SLC44A1: variants seen among roughly 807,000 people sequenced by gnomAD.
The protein encoded by SLC44A1 is choline transporter-like protein 1.
Under a neutral mutation model 79.3 loss-of-function variants are expected in SLC44A1, and 26 were observed. The observed-to-expected ratio is 0.33, with a 90% confidence interval of 0.24 to 0.46. The LOEUF (loss-of-function observed/expected upper bound fraction) is 0.46, where lower values mean the gene tolerates loss of function less well. Among genes scored for constraint, SLC44A1 ranks in the 20% least tolerant of loss-of-function variants. The probability of loss-of-function intolerance (pLI) is 1.00; values close to 1 mark genes in which losing one functional copy is unlikely to be tolerated. For synonymous variants in SLC44A1, 263 were observed against 286.2 expected (o/e 0.92, Z 0.82); for missense variants, 688 against 798.1 (o/e 0.86, Z 1.66).
chr9:105,377,761 TAA>T (rs11297763), intron 13 of SLC44A1, among the ~76,000 whole-genome samples: 1 of 144,966 alleles, frequency 6.9e-6, no homozygotes. Flanking sequence ...GACTCTGTCT[TAA>T]AAAAAAAAAA....
At chr9:105,437,737 C>T (rs758693408) in intron 15 of SLC44A1, among the ~76,000 whole-genome samples, 6 of 152,268 alleles carry the variant, frequency 3.9e-5, no homozygotes, top group Non-Finnish European at 7.4e-5. Context: ...CCACTGCTAA[C>T]GGAATTACAG....
chr9:105,347,330 C>T (rs1183646905), intron 4 of SLC44A1, among the ~76,000 whole-genome samples: 1 of 151,932 alleles, frequency 6.6e-6, no homozygotes, highest in Non-Finnish European at 1.5e-5. Flanking sequence ...TAATCTGGTA[C>T]GAACCTCAGT....
chr9:105,386,113 T>G (rs570876127), intron 15 of SLC44A1: 2 of 983,680 alleles, frequency 2.0e-6, no homozygotes, highest in South Asian at 9.4e-5. Flanking sequence ...CCCAGTTTAA[T>G]TGTGAGATGG....
chr9:105,287,851 A>T (rs965985029), intron 1 of SLC44A1, among the ~76,000 whole-genome samples: 5 of 152,280 alleles, frequency 3.3e-5, no homozygotes, highest in African/African-American at 9.6e-5. Context: ...TTTCTAAGGA[A>T]ATTTGAAGTG....
chr9:105,397,449 G>C (rs539730130), downstream of SLC44A1: 6 of 714,150 alleles, frequency 8.4e-6, no homozygotes, highest in African/African-American at 7.7e-5. Flanking sequence ...ATGCTGCAAG[G>C]GTGCCCCAGA....
chr9:105,408,553 G>A (rs1169023723), intron 15 of SLC44A1, among the ~76,000 whole-genome samples: 1 of 152,098 alleles, frequency 6.6e-6, no homozygotes, highest in East Asian at 1.9e-4. Flanking sequence ...GGGACTACAG[G>A]TGCATGCCAC....
intron 13 of SLC44A1, among the ~76,000 whole-genome samples, chr9:105,380,762 A>C (rs530111121): frequency 6.6e-6 from 1 of 152,124 alleles, no homozygotes; most frequent in African/African-American, 2.4e-5. Flanking sequence ...GATCACTGAT[A>C]TAGACCAGTA....
At chr9:105,326,637 T>C (rs981063791) in intron 3 of SLC44A1, among the ~76,000 whole-genome samples, 9 of 152,228 alleles carry the variant, frequency 5.9e-5, no homozygotes, top group Non-Finnish European at 1.0e-4. Context: ...TTCGAAACTA[T>C]GAAGTATAAA....
chr9:105,271,208 C>G (rs939226117), intron 1 of SLC44A1, among the ~76,000 whole-genome samples: 1 of 152,168 alleles, frequency 6.6e-6, no homozygotes, highest in Non-Finnish European at 1.5e-5. Flanking sequence ...TTTCTCTCAC[C>G]TCTTGGATTC....
rs150447336 is a variant in SLC44A1, at chr9:105,246,754, A to G, written c.36+1850A>G. Among the ~76,000 whole-genome samples, 4 of 152,318 alleles carry G rather than the reference A, an allele frequency of 2.6e-5. No individual in the cohort carries two copies. The East Asian group carries it at 7.7e-4, about 29-fold the overall frequency. On this transcript the variant is annotated intron_variant, in intron 1 of 15. Coordinates refer to ENST00000374720, the MANE Select transcript of SLC44A1 (RefSeq NM_080546.5). ...ACAGAAAAGTATTGATAGTTTATGG[A>G]TAGCTTGTTCAGTGCATGAACAGTT...
intron 4 of SLC44A1, among the ~76,000 whole-genome samples, chr9:105,341,615 A>G (rs936440854): frequency 5.9e-5 from 9 of 152,192 alleles, no homozygotes; most frequent in Admixed American, 2.6e-4. Context: ...TCATCTAGGA[A>G]TATCCAGGCC....
chr9:105,267,657 T>G (rs572888083), intron 1 of SLC44A1, among the ~76,000 whole-genome samples: 77 of 152,362 alleles, frequency 5.1e-4, no homozygotes, highest in African/African-American at 1.8e-3. Context: ...TCTCTGTGTG[T>G]GTTTTAATTT....
At chr9:105,359,568 T>A (rs1234881203) in intron 7 of SLC44A1, among the ~76,000 whole-genome samples, 1 of 152,186 alleles carries the variant, frequency 6.6e-6, no homozygotes, top group African/African-American at 2.4e-5. Flanking sequence ...TAATACAAAT[T>A]TAAATTTTAA....
intron 1 of SLC44A1, among the ~76,000 whole-genome samples, chr9:105,264,788 A>G (rs557137978): frequency 6.8e-6 from 1 of 146,128 alleles, no homozygotes; most frequent in South Asian, 2.1e-4. Context: ...CCTTCACATC[A>G]TACCTGGAAT....
intron 15 of SLC44A1, among the ~76,000 whole-genome samples, chr9:105,416,633 C>CA (rs1829175219): frequency 6.6e-6 from 1 of 152,146 alleles, no homozygotes; most frequent in Non-Finnish European, 1.5e-5. Flanking sequence ...GCATTTGCGG[C>CA]ATATGCACTT....
intron 15 of SLC44A1, among the ~76,000 whole-genome samples, chr9:105,410,618 G>A (rs1351574682): frequency 6.6e-6 from 1 of 152,168 alleles, no homozygotes; most frequent in Non-Finnish European, 1.5e-5. Context: ...GTAAAATGGT[G>A]CCACCACTTG....
At chr9:105,268,625 C>T (rs1329080188) in intron 1 of SLC44A1, among the ~76,000 whole-genome samples, 2 of 152,004 alleles carry the variant, frequency 1.3e-5, no homozygotes, top group African/African-American at 2.4e-5. Context: ...CTCAGCCTCC[C>T]GAGCAGCTGG....
Position 105,387,060 on chromosome 9 carries a change from A to AAATATATATAT in SLC44A1, c.1950+1559_1950+1560insATATATATATA, listed in dbSNP as rs34780893. ...TCTCAAAAAAAAAAAAAAAAAAAAAAATATATATATATATGATATAAAATA... is the reference window on the plus strand; with the variant it reads ...TCTCAAAAAAAAAAAAAAAAAAAAAAAATATATATATATATATATATATATGATATAAAATA... On this transcript the variant is annotated intron_variant, in intron 15 of 15. Transcript: ENST00000374720. 2.7e-3 allele frequency among the ~76,000 whole-genome samples: 21 copies of AAATATATATAT among 7,738 alleles called. 3 individuals carry two copies. The highest frequency in any genetic ancestry group is 0.013 in the South Asian group (2 of 152). The allele number at this position is 7,738 out of a possible 152,430, so 5.1% of individuals were successfully genotyped here. A position where few individuals can be genotyped will look rare whatever the true frequency, so the allele number is the denominator to read the frequency against.
At position 105,342,127 on chromosome 9, in the gene SLC44A1, G is replaced by A. The variant is rs532531363; in HGVS notation, c.407-6231G>A. On this transcript the variant is annotated intron_variant, in intron 4 of 15. Coordinates refer to ENST00000374720, the MANE Select transcript of SLC44A1 (RefSeq NM_080546.5). The stretch of plus-strand genomic sequence containing the variant: ...TTTTGAAAATTCAAATAACACATAC[G>A]GTAGTTCTCCCTTATCCATAGTTTT... Among the ~76,000 whole-genome samples the A allele has an allele frequency of 1.1e-4, 17 of 152,102 alleles. 1 individual carries two copies. The East Asian group carries it at 1.7e-3, about 16-fold the overall frequency.
Sources: gnomAD v4.1 joint callset for allele counts (sites outside exome capture counted in the v4.1 genomes callset) on GRCh38, gnomAD v4.1.1 for gene constraint, MANE v1.5 for transcripts, NCBI Gene and HGNC (gene_info 2026-07-23, HGNC 2026-07-21) for gene names.